LDLRAD4: variants seen among roughly 807,000 people sequenced by gnomAD.
LDLRAD4 encodes the protein low density lipoprotein receptor class A domain containing 4.
Under a neutral mutation model 17.0 loss-of-function variants are expected in LDLRAD4, and 5 were observed. That is an observed-to-expected ratio of 0.29 (90% CI 0.15 to 0.62). The LOEUF (loss-of-function observed/expected upper bound fraction) is 0.62, where lower values mean the gene tolerates loss of function less well. LDLRAD4 is among the 20% of genes least tolerant of loss of function. The pLI is 0.84. For missense variants in LDLRAD4, 340 were observed against 424.7 expected (o/e 0.80, Z 1.75); for synonymous variants, 168 against 171.8 (o/e 0.98, Z 0.17).
At chr18:13,312,818 T>G (rs2047313594) in intron 1 of LDLRAD4, among the ~76,000 whole-genome samples, 1 of 152,282 alleles carries the variant, frequency 6.6e-6, no homozygotes, top group Non-Finnish European at 1.5e-5. Flanking sequence ...TTTTTCCTCT[T>G]GAAAGTATAT....
chr18:13,226,200 T>TTTTTTTTTTG (rs1399999238), intron 1 of LDLRAD4, among the ~76,000 whole-genome samples: 3 of 143,200 alleles, frequency 2.1e-5, no homozygotes, highest in African/African-American at 5.3e-5. Context: ...TTTTTTTTTT[T>TTTTTTTTTTG]TGTAGAGACC....
At chr18:13,489,359 G>A (rs2093311854) in intron 3 of LDLRAD4, 1 of 152,102 alleles carries the variant, frequency 6.6e-6, no homozygotes. Flanking sequence ...CTCCATGTTG[G>A]TCAGGCTGGT....
chr18:13,641,963 G>A, intron 4 of LDLRAD4: 1 of 985,408 alleles, frequency 1.0e-6, no homozygotes, highest in Non-Finnish European at 1.2e-6. Context: ...CGCCCCTGCG[G>A]GCCCAGCCTG....
chr18:13,287,281 G>A (rs2045682800), intron 1 of LDLRAD4, among the ~76,000 whole-genome samples: 1 of 152,190 alleles, frequency 6.6e-6, no homozygotes, highest in Non-Finnish European at 1.5e-5. Flanking sequence ...TGATCTTGGT[G>A]CTGTAATGAC....
chr18:13,418,010 A>G (rs1343464823), intron 2 of LDLRAD4, among the ~76,000 whole-genome samples: 1 of 152,222 alleles, frequency 6.6e-6, no homozygotes, highest in Non-Finnish European at 1.5e-5. Flanking sequence ...TTCCCCAGCA[A>G]CATGGCTCAC....
intron 3 of LDLRAD4, chr18:13,611,344 A>G (rs1433182960): frequency 1.8e-5 from 6 of 332,278 alleles, no homozygotes; most frequent in Non-Finnish European, 2.6e-5. Flanking sequence ...GGCTCCCGGC[A>G]GTGCTTGTGG....
intron 3 of LDLRAD4, among the ~76,000 whole-genome samples, chr18:13,530,566 G>T (rs2094111655): frequency 6.6e-6 from 1 of 152,250 alleles, no homozygotes; most frequent in African/African-American, 2.4e-5. Flanking sequence ...TTGACCCAAG[G>T]ATAATCTGTC....
At chr18:13,274,421 T>C (rs2044738571), upstream of LDLRAD4, among the ~76,000 whole-genome samples, 1 of 152,198 alleles carries the variant, frequency 6.6e-6, no homozygotes, top group African/African-American at 2.4e-5. Flanking sequence ...TTTTCACAGC[T>C]AGAGAGTTAA....
intron 1 of LDLRAD4, among the ~76,000 whole-genome samples, chr18:13,330,208 C>G (rs1305251076): frequency 6.6e-6 from 1 of 152,190 alleles, no homozygotes; most frequent in Non-Finnish European, 1.5e-5. Context: ...ATCCACCTGC[C>G]TTGGCCTCCC....
intron 3 of LDLRAD4, among the ~76,000 whole-genome samples, chr18:13,579,735 A>G (rs1352012698): frequency 1.3e-5 from 2 of 152,238 alleles, no homozygotes; most frequent in African/African-American, 4.8e-5. Context: ...GAATGTATGC[A>G]TTAAAGAGAC....
At chr18:13,444,413 A>C (rs927452432) in intron 3 of LDLRAD4, among the ~76,000 whole-genome samples, 2 of 152,212 alleles carry the variant, frequency 1.3e-5, no homozygotes, top group Non-Finnish European at 2.9e-5. Context: ...GCTTTATTGT[A>C]AGAATGCAAT....
At chr18:13,402,950 T>A (rs1157407431) in intron 2 of LDLRAD4, among the ~76,000 whole-genome samples, 2 of 152,196 alleles carry the variant, frequency 1.3e-5, no homozygotes, top group Non-Finnish European at 2.9e-5. Flanking sequence ...ATTAAAACAT[T>A]AAGCCAGTCT....
intron 3 of LDLRAD4, among the ~76,000 whole-genome samples, chr18:13,504,765 C>A (rs73408305): frequency 6.6e-6 from 1 of 152,152 alleles, no homozygotes; most frequent in African/African-American, 2.4e-5. Context: ...CTTTCTCTTC[C>A]GAGAGAGGCA....
chr18:13,421,712 C>T (rs533696658), intron 2 of LDLRAD4, among the ~76,000 whole-genome samples: 2 of 152,382 alleles, frequency 1.3e-5, no homozygotes, highest in East Asian at 3.9e-4. Context: ...ACCCACCGCC[C>T]TGTTGTTTCC....
intron 1 of LDLRAD4, among the ~76,000 whole-genome samples, chr18:13,303,619 A>G (rs930443878): frequency 6.6e-6 from 1 of 152,166 alleles, no homozygotes; most frequent in Non-Finnish European, 1.5e-5. Context: ...GGTGCGAGCT[A>G]CTGCTCCTGT....
rs768282581 is a variant in LDLRAD4 at position 13,642,076 on chromosome 18, C to G, written c.337-1283C>G. On this transcript the variant is annotated intron_variant, in intron 4 of 5. Transcript: ENST00000359446. ...CCTGCCAGGCCGGGCCCTTCCCTCC[C>G]GTCACAGGCGGTCCCTGAGCCCACC... 1.0e-3 allele frequency: 993 copies of G among 985,544 alleles called. 1 individual carries two copies. The highest frequency in any genetic ancestry group is 1.2e-3 in the Non-Finnish European group (957 of 830,016). 61.0% of individuals were successfully genotyped at this position (985,544 alleles called of 1,614,324 possible).
intron 1 of LDLRAD4, among the ~76,000 whole-genome samples, chr18:13,263,260 C>CGGGTT (rs2044016770): frequency 6.9e-6 from 1 of 144,936 alleles, no homozygotes; most frequent in African/African-American, 2.6e-5. Context: ...GCGTGGAAAC[C>CGGGTT]GAATCCCATG....
At chr18:13,390,951 C>T (rs1465468259) in intron 2 of LDLRAD4, among the ~76,000 whole-genome samples, 1 of 152,168 alleles carries the variant, frequency 6.6e-6, no homozygotes, top group East Asian at 1.9e-4. Flanking sequence ...GCAAGAGTCC[C>T]TGTGATGTAG....
chr18:13,450,300 C>T (rs979357030), intron 3 of LDLRAD4, among the ~76,000 whole-genome samples: 3 of 146,830 alleles, frequency 2.0e-5, no homozygotes, highest in South Asian at 4.3e-4. Flanking sequence ...GGACCTGGGG[C>T]CAGTGCAGTT....
Sources: allele counts gnomAD v4.1 joint callset (sites outside exome capture counted in the v4.1 genomes callset), GRCh38; gene constraint gnomAD v4.1.1; transcripts MANE v1.5; gene names NCBI Gene and HGNC (gene_info 2026-07-23, HGNC 2026-07-21).